APLP2: variants seen among roughly 807,000 people sequenced by gnomAD.
The protein encoded by APLP2 is CDEI box-binding protein.
A neutral mutation model predicts 89.9 loss-of-function variants in APLP2; 53 were observed. The ratio of observed to expected loss-of-function variants is 0.59; its 90% CI spans 0.47 to 0.74. The LOEUF (loss-of-function observed/expected upper bound fraction) is 0.74. APLP2 is among the 30% of genes least tolerant of loss of function. APLP2 has a pLI of 0.00. For synonymous variants in APLP2, 372 were observed against 348.6 expected, an observed-to-expected ratio of 1.07 and a Z score of -0.75; for missense variants, 973 against 975.9, an observed-to-expected ratio of 1.00 and a Z score of 0.04.
At chr11:130,110,938 T>C (rs979541041) in intron 3 of APLP2, among the ~76,000 whole-genome samples, 11 of 152,114 alleles carry the variant, frequency 7.2e-5, no homozygotes, top group Admixed American at 7.2e-4. Flanking sequence ...CGCCCTCACA[T>C]TGTTTGATAT....
intron 1 of APLP2, among the ~76,000 whole-genome samples, chr11:130,083,944 A>G (rs566942030): frequency 9.2e-5 from 14 of 152,140 alleles, no homozygotes; most frequent in Non-Finnish European, 1.6e-4. Flanking sequence ...CACCAGCGGC[A>G]TACAGGAGTT....
chr11:130,078,165 C>CTTT (rs780312601), intron 1 of APLP2, among the ~76,000 whole-genome samples: 1 of 135,288 alleles, frequency 7.4e-6, no homozygotes, highest in South Asian at 2.4e-4. Flanking sequence ...GTTTTTCTTT[C>CTTT]TTTTTTTTTT....
chr11:130,115,672 C>A (rs939623001), intron 3 of APLP2, among the ~76,000 whole-genome samples: 12 of 152,172 alleles, frequency 7.9e-5, no homozygotes. Context: ...GAGGATGTTA[C>A]CAGCTTGAAT....
intron 3 of APLP2, among the ~76,000 whole-genome samples, chr11:130,119,357 C>G (rs908940595): frequency 5.3e-5 from 8 of 151,862 alleles, no homozygotes; most frequent in African/African-American, 1.9e-4. Flanking sequence ...CCTTACACTA[C>G]TGATCAGAGT....
chr11:130,091,811 C>G (rs1186058739), intron 1 of APLP2, among the ~76,000 whole-genome samples: 1 of 146,432 alleles, frequency 6.8e-6, no homozygotes, highest in Admixed American at 6.7e-5. Context: ...GCTGGTCGGG[C>G]GGGGGGCTGA....
chr11:130,095,944 C>G (rs73583489), intron 1 of APLP2, among the ~76,000 whole-genome samples: 15,340 of 151,224 alleles, frequency 0.1, 1,182 homozygotes, highest in African/African-American at 0.21. Flanking sequence ...CATGAGGCCT[C>G]TCCCCTTGAC....
intron 1 of APLP2, among the ~76,000 whole-genome samples, chr11:130,093,845 G>T (rs934279060): frequency 6.7e-6 from 1 of 148,864 alleles, no homozygotes; most frequent in Non-Finnish European, 1.5e-5. Flanking sequence ...CCTGGTTCAA[G>T]CTATGCTCCT....
intron 3 of APLP2, among the ~76,000 whole-genome samples, chr11:130,120,088 C>T (rs984384629): frequency 6.6e-5 from 10 of 152,124 alleles, no homozygotes; most frequent in Non-Finnish European, 1.3e-4. Flanking sequence ...TATATTTTGG[C>T]AGAAATACTG....
chr11:130,140,132 G>A (rs1158624372), intron 13 of APLP2, among the ~76,000 whole-genome samples: 1 of 152,148 alleles, frequency 6.6e-6, no homozygotes, highest in Non-Finnish European at 1.5e-5. Flanking sequence ...TTTCTCTGAA[G>A]GCTTGCATTT....
intron 3 of APLP2, among the ~76,000 whole-genome samples, chr11:130,117,505 C>T (rs1399984425): frequency 7.2e-5 from 11 of 151,772 alleles, no homozygotes; most frequent in African/African-American, 2.2e-4. Context: ...GGCATGATCT[C>T]GGCTCACTGC....
chr11:130,097,859 G>A (rs1239500499), intron 1 of APLP2, among the ~76,000 whole-genome samples: 1 of 152,172 alleles, frequency 6.6e-6, no homozygotes, highest in Non-Finnish European at 1.5e-5. Flanking sequence ...ATCATTTTAT[G>A]AAACCATTTT....
rs922432689 is a variant in APLP2, at chr11:130,135,742, T to A, written c.1837+27T>A. The A allele has an allele frequency of 6.2e-6, 10 of 1,610,770 alleles. No individual in the cohort carries two copies. In the African/African-American group the frequency reaches 1.3e-4, roughly 22 times the overall value. On this transcript the variant is annotated intron_variant, in intron 13 of 16. Transcript: ENST00000338167. ...TGTGTATGGGCGACGGTGCCACTTC[T>A]GGGCAGCAGGGGGAGGACAAAATGA...
Position 130,129,127 on chromosome 11 carries a change from G to T in APLP2, c.1376G>T (p.Arg459Leu). Reference protein sequence around the residue: ...KQQLVETHLARVEAMLNDRRR... With the variant: ...KQQLVETHLALVEAMLNDRRR... Reference sequence around the variant, plus strand: ...CAGCTGGTGGAGACCCACCTGGCCCGAGTGGAAGCTATGCTGAATGACCGC... The same window carrying T: ...CAGCTGGTGGAGACCCACCTGGCCCTAGTGGAAGCTATGCTGAATGACCGC... The change falls in exon 10 of 17, where the codon CGA (arginine) becomes CTA (leucine). Residue 459 changes from arginine (R) to leucine (L), a missense_variant. By Grantham distance (102) the Arg-to-Leu change is moderately radical. Transcript: ENST00000338167. The T allele has an allele frequency of 6.2e-7, 1 of 1,614,234 alleles. No individual in the cohort carries two copies.
intron 9 of APLP2, among the ~76,000 whole-genome samples, 153 bp downstream of exon 9, chr11:130,127,993 T>C (rs1197269076): frequency 6.6e-6 from 1 of 152,176 alleles, no homozygotes. Context: ...CTTTTTCACC[T>C]CAAGTATTGC....
At chr11:130,072,695 TGG>T (rs1378812969) in intron 1 of APLP2, among the ~76,000 whole-genome samples, 1 of 152,214 alleles carries the variant, frequency 6.6e-6, no homozygotes, top group Non-Finnish European at 1.5e-5. Flanking sequence ...CAGGCTGGTC[TGG>T]AACACCTGAT....
intron 5 of APLP2, among the ~76,000 whole-genome samples, 163 bp from the exon 6 acceptor site, chr11:130,122,142 G>A (rs892343895): frequency 2.0e-5 from 3 of 152,152 alleles, no homozygotes; most frequent in South Asian, 2.1e-4. Flanking sequence ...AATACTTCCC[G>A]TTTGCTGATG....
At position 130,135,658 on chromosome 11, in the gene APLP2, G is replaced by C. The variant is rs191666542; in HGVS notation, c.1780G>C (p.Glu594Gln). 1 of 1,614,182 alleles carries C rather than the reference G, an allele frequency of 6.2e-7. No individual in the cohort carries two copies. Among genetic ancestry groups the C allele is most frequent in the Admixed American group, 1.7e-5 (1 of 60,030 alleles). ...VDVRVSSEES[E>Q]EIPPFHPFHP... ...CGTCCGGGTGAGCTCTGAGGAGAGTGAGGAGATCCCACCGTTCCACCCCTT... is the reference window on the plus strand; with the variant it reads ...CGTCCGGGTGAGCTCTGAGGAGAGTCAGGAGATCCCACCGTTCCACCCCTT... Residue 594 changes from glutamate to glutamine, a missense_variant, in exon 13 of 17, where the codon GAG (glutamate) becomes CAG (glutamine). Physicochemically the swap from Glu to Gln is conservative, Grantham distance 29. Transcript: ENST00000338167.
At chr11:130,130,187 A>C (rs761433231) in intron 11 of APLP2, 21 bp downstream of exon 11, 23 of 1,614,092 alleles carry the variant, frequency 1.4e-5, no homozygotes, top group Non-Finnish European at 1.9e-5. Flanking sequence ...TGTAGTAGAA[A>C]TTGCTGCCGT....
Position 130,109,451 on chromosome 11 carries a change from C to A in APLP2, c.128C>A (p.Thr43Lys). 6.2e-7 allele frequency: 1 copy of A among 1,611,764 alleles called. No homozygotes were observed. Among genetic ancestry groups the A allele is most frequent in the Non-Finnish European group, 8.5e-7 (1 of 1,178,984 alleles). ...TAGGCTCTTGCAGCCAATGCCGGAA[C>A]AGGATTTGCTGTTGCTGAGCCTCAA... Reference protein sequence around the residue: ...YIEALAANAGTGFAVAEPQIA... With the variant: ...YIEALAANAGKGFAVAEPQIA... Residue 43 changes from threonine (T) to lysine (K), a missense_variant, in exon 2 of 17, where the codon ACA becomes AAA. Transcript: ENST00000338167.
Sources: gnomAD v4.1 joint callset for allele counts (sites outside exome capture counted in the v4.1 genomes callset) on GRCh38, gnomAD v4.1.1 for gene constraint, MANE v1.5 for transcripts, NCBI Gene and HGNC (gene_info 2026-07-23, HGNC 2026-07-21) for gene names.